The following HIBCH variants were observed in gnomAD, a reference collection of about 807,000 sequenced individuals.
HIBCH encodes the protein 3-hydroxyisobutyryl-CoA hydrolase.
Under a neutral mutation model 58.2 loss-of-function variants are expected in HIBCH, and 50 were observed. The ratio of observed to expected loss-of-function variants is 0.86; its 90% CI spans 0.68 to 1.09. The LOEUF (loss-of-function observed/expected upper bound fraction) is 1.09, where lower values mean the gene tolerates loss of function less well. HIBCH is among the 50% of genes least tolerant of loss of function. The probability of loss-of-function intolerance (pLI) is 0.00; values close to 1 mark genes in which losing one functional copy is unlikely to be tolerated. For missense variants in HIBCH, 450 were observed against 449.7 expected, an observed-to-expected ratio of 1.00 and a Z score of -0.01; for synonymous variants, 151 against 146.9, an observed-to-expected ratio of 1.03 and a Z score of -0.20.
intron 9 of HIBCH, among the ~76,000 whole-genome samples, chr2:190,247,464 G>C (rs1686643181): frequency 6.6e-6 from 1 of 152,008 alleles, no homozygotes; most frequent in Admixed American, 6.6e-5. Flanking sequence ...CCAAGTACTT[G>C]GTGGCCCTGC....
At chr2:190,230,179 G>C (rs1467445284) in intron 11 of HIBCH, among the ~76,000 whole-genome samples, 3 of 152,064 alleles carry the variant, frequency 2.0e-5, no homozygotes, top group African/African-American at 7.2e-5. Context: ...TTCTGCTTAA[G>C]AGTACCTGGT....
chr2:190,288,800 G>A (rs1047827139), intron 5 of HIBCH, among the ~76,000 whole-genome samples: 6 of 152,166 alleles, frequency 3.9e-5, no homozygotes, highest in Admixed American at 6.6e-5. Flanking sequence ...ACAATGCTCT[G>A]CATTTCTATT....
intron 1 of HIBCH, among the ~76,000 whole-genome samples, chr2:190,195,478 ACT>A (rs1479401008): frequency 4.6e-5 from 7 of 152,170 alleles, no homozygotes; most frequent in Admixed American, 1.3e-4. Context: ...CCATTATCTC[ACT>A]GTTTAAATTT....
At chr2:190,239,446 C>T (rs941073405) in intron 11 of HIBCH, among the ~76,000 whole-genome samples, 2 of 152,066 alleles carry the variant, frequency 1.3e-5, no homozygotes, top group African/African-American at 2.4e-5. Context: ...CTAGAGTACA[C>T]GGGCTCTATT....
At chr2:190,318,770 A>T (rs1688770802) in intron 1 of HIBCH, among the ~76,000 whole-genome samples, 1 of 152,202 alleles carries the variant, frequency 6.6e-6, no homozygotes, top group Non-Finnish European at 1.5e-5. Flanking sequence ...GCATTTACTA[A>T]ATCTCTCCAT....
intron 2 of HIBCH, among the ~76,000 whole-genome samples, chr2:190,310,047 G>A (rs796222999): frequency 2.3e-4 from 35 of 152,270 alleles, no homozygotes; most frequent in African/African-American, 7.7e-4. Flanking sequence ...GGCAGAAGTT[G>A]GAAGGACTTG....
At chr2:190,262,017 T>C (rs568574156) in intron 6 of HIBCH, among the ~76,000 whole-genome samples, 1 of 151,290 alleles carries the variant, frequency 6.6e-6, no homozygotes, top group African/African-American at 2.4e-5. Context: ...TTAGATAAGG[T>C]TCTTCTTACT....
chr2:190,317,037 C>T (rs777215211), intron 1 of HIBCH, among the ~76,000 whole-genome samples: 2 of 152,216 alleles, frequency 1.3e-5, no homozygotes, highest in East Asian at 3.8e-4. Flanking sequence ...CCACCTCAGC[C>T]TCCCAAGCTG....
intron 11 of HIBCH, among the ~76,000 whole-genome samples, chr2:190,238,091 T>C (rs2099128): frequency 0.3 from 45,783 of 152,106 alleles, 7,785 homozygotes; most frequent in East Asian, 0.45. Flanking sequence ...TTTGGGTTGA[T>C]TCCAAGTCTT....
chr2:190,239,896 C>T (rs1449567538), intron 11 of HIBCH, among the ~76,000 whole-genome samples: 11 of 152,122 alleles, frequency 7.2e-5, no homozygotes, highest in Non-Finnish European at 1.0e-4. Context: ...GTGATCTGCC[C>T]GCTTCGGCCT....
intron 2 of HIBCH, among the ~76,000 whole-genome samples, chr2:190,308,211 T>A (rs748623730): frequency 3.9e-5 from 6 of 152,230 alleles, no homozygotes; most frequent in Non-Finnish European, 8.8e-5. Flanking sequence ...TCATATGATC[T>A]GGATTCTGTC....
Position 190,206,045 on chromosome 2 carries a change from T to A in HIBCH, c.1046-813A>T, listed in dbSNP as rs1263103517. On this transcript the variant is annotated intron_variant, in intron 13 of 13. Transcript: ENST00000359678. The surrounding 1 kb of genome is among the most constrained non-coding windows in gnomAD (Gnocchi z 5.1). Reference sequence around the variant, plus strand: ...CAGCAAATTTCAACCATGCTTAAAATGCACATAATTCTTGTGAAGAATGGA... The same window carrying A: ...CAGCAAATTTCAACCATGCTTAAAAAGCACATAATTCTTGTGAAGAATGGA... Among the ~76,000 whole-genome samples, 1 of 152,206 alleles carries A rather than the reference T, an allele frequency of 6.6e-6. No individual in the cohort carries two copies. Among genetic ancestry groups the A allele is most frequent in the East Asian group, 1.9e-4 (1 of 5,208 alleles).
rs1687857634 is a variant in HIBCH at position 190,287,369 on chromosome 2, A to G, written c.438+217T>C. The stretch of plus-strand genomic sequence containing the variant: ...GAGGCACCATGCCCGGCCATATAAC[A>G]TAACTAAGAACATAAAATATTCTTT... On this transcript the variant is annotated intron_variant, in intron 6 of 13. Transcript: ENST00000359678. 2.0e-5 allele frequency among the ~76,000 whole-genome samples: 3 copies of G among 152,158 alleles called. No individual in the cohort carries two copies. In the South Asian group the frequency reaches 6.2e-4, roughly 32 times the overall value.
rs1231868055 is a variant in HIBCH, at chr2:190,243,840, C to A, written c.891+1047G>T. 1.3e-5 allele frequency among the ~76,000 whole-genome samples: 2 copies of A among 152,244 alleles called. No individual in the cohort carries two copies. The highest frequency in any genetic ancestry group is 2.1e-4 in the South Asian group (1 of 4,828). On this transcript the variant is annotated intron_variant, in intron 11 of 13. Transcript: ENST00000359678. This position sits in a 1 kb window ranked among gnomAD's most constrained non-coding sequence, Gnocchi z 4.1. ...AAAAAATTAGCCACCCGTGGTGGCA[C>A]ACGCCCGTAGTCCCAGCTACTCAGG... is the stretch of plus-strand genomic sequence containing the variant.
At chr2:190,290,356 A>G (rs1687928542) in intron 5 of HIBCH, 49 bp downstream of exon 5, 1 of 1,243,646 alleles carries the variant, frequency 8.0e-7, no homozygotes. Context: ...CATACTGTCC[A>G]CCTCATTTCT....
intron 6 of HIBCH, among the ~76,000 whole-genome samples, chr2:190,261,559 T>C (rs1232342909): frequency 3.3e-5 from 5 of 152,018 alleles, no homozygotes; most frequent in Admixed American, 6.6e-5. Context: ...CCTATGTATT[T>C]CTTATATATG....
intron 1 of HIBCH, among the ~76,000 whole-genome samples, chr2:190,196,521 TC>T (rs1475526448): frequency 6.8e-6 from 1 of 147,806 alleles, no homozygotes; most frequent in African/African-American, 2.5e-5. Context: ...AAATGCTGGG[TC>T]TTTTTTTTTT....
chr2:190,234,825 G>GC (rs1321409790), intron 11 of HIBCH, among the ~76,000 whole-genome samples: 3 of 151,266 alleles, frequency 2.0e-5, no homozygotes, highest in African/African-American at 7.3e-5. Context: ...GGGTGACAGA[G>GC]CAAGACTCTA....
intron 11 of HIBCH, among the ~76,000 whole-genome samples, 187 bp downstream of exon 11, chr2:190,244,700 C>T (rs1013478687): frequency 2.0e-5 from 3 of 152,146 alleles, no homozygotes; most frequent in Non-Finnish European, 2.9e-5. Context: ...AGCAGGTAGA[C>T]ACGGCACTTG....
Sources: gnomAD v4.1 joint callset for allele counts (sites outside exome capture counted in the v4.1 genomes callset) on GRCh38, gnomAD v4.1.1 for gene constraint, Gnocchi (gnomAD v3.1) non-coding constraint, MANE v1.5 for transcripts, NCBI Gene and HGNC (gene_info 2026-07-23, HGNC 2026-07-21) for gene names.